GNG2: variants seen among roughly 807,000 people sequenced by gnomAD.
GNG2 encodes guanine nucleotide-binding protein G(I)/G(S)/G(O) subunit gamma-2.
In GNG2, 5 loss-of-function variants were observed where a neutral mutation model predicts 5.5. The ratio of observed to expected loss-of-function variants is 0.91; its 90% confidence interval spans 0.48 to 1.92. The LOEUF is 1.92. Among genes scored for constraint, GNG2 ranks in the 30% most tolerant of loss-of-function variants. The pLI is 0.01. For missense variants in GNG2, 55 were observed against 88.4 expected, an observed-to-expected ratio of 0.62 and a Z score of 1.52; for synonymous variants, 28 against 32.0, an observed-to-expected ratio of 0.88 and a Z score of 0.42.
intron 2 of GNG2, among the ~76,000 whole-genome samples, chr14:51,935,773 T>C (rs116772815): frequency 0.016 from 2,507 of 151,974 alleles, 64 homozygotes; most frequent in African/African-American, 0.058. Context: ...TTTGGGGAGG[T>C]TGCAGGGAGC....
In GNG2 at chr14:51,935,025, C is replaced by CT. The variant is rs35195529; in HGVS notation, c.-29-15609dup. Among the ~76,000 whole-genome samples, 10 of 104,600 alleles carry CT rather than the reference C, an allele frequency of 9.6e-5. No individual in the cohort carries two copies. In the South Asian group the frequency reaches 1.2e-3, roughly 12 times the overall value. 68.6% of individuals were successfully genotyped at this position (104,600 alleles called of 152,430 possible). On this transcript the variant is annotated intron_variant, in intron 2 of 3. Transcript: ENST00000556766. ...GTGGAAATTCCAGCCCAGTTTCTTTCTTTTTTTTTTTTTTTTGGAGACGGA... is the reference window on the plus strand; with the variant it reads ...GTGGAAATTCCAGCCCAGTTTCTTTCTTTTTTTTTTTTTTTTTGGAGACGGA...
intron 2 of GNG2, among the ~76,000 whole-genome samples, chr14:51,835,080 G>A (rs1881295065): frequency 6.6e-6 from 1 of 152,192 alleles, no homozygotes. Flanking sequence ...CTCCTTTCAT[G>A]CCCTCTCTGA....
chr14:51,828,802 C>T (rs988882701), intron 2 of GNG2, among the ~76,000 whole-genome samples: 6 of 152,142 alleles, frequency 3.9e-5, no homozygotes, highest in African/African-American at 1.4e-4. Flanking sequence ...TCTCCTGCCC[C>T]TATAGCCCTG....
chr14:51,893,135 G>T (rs1188968043), intron 2 of GNG2, among the ~76,000 whole-genome samples: 2 of 152,108 alleles, frequency 1.3e-5, no homozygotes, highest in East Asian at 3.8e-4. Context: ...TCCCAAACAG[G>T]GGGATTGTTG....
chr14:51,946,569 A>G (rs959686673), intron 2 of GNG2, among the ~76,000 whole-genome samples: 1 of 152,152 alleles, frequency 6.6e-6, no homozygotes, highest in Non-Finnish European at 1.5e-5. Flanking sequence ...TTAATTCACA[A>G]TCTCACGCTG....
chr14:51,942,269 G>A (rs4271525), intron 2 of GNG2, among the ~76,000 whole-genome samples: 72,667 of 151,980 alleles, frequency 0.48, 17,699 homozygotes, highest in East Asian at 0.64. Flanking sequence ...TGATGGCTTT[G>A]TGGCTATTTT....
intron 2 of GNG2, chr14:51,939,672 A>G (rs1385511289): frequency 2.6e-5 from 4 of 152,166 alleles, no homozygotes; most frequent in Non-Finnish European, 1.5e-5. Context: ...CTCTGTCAAT[A>G]TGTTGCTCCC....
At chr14:51,940,096 G>T (rs1888228612) in intron 2 of GNG2, 3 of 152,276 alleles carry the variant, frequency 2.0e-5, no homozygotes. Flanking sequence ...ATTAGTGTGA[G>T]TTCCTGGTCC....
intron 2 of GNG2, chr14:51,847,527 C>G (rs1041972525): frequency 6.6e-6 from 1 of 152,070 alleles, no homozygotes; most frequent in African/African-American, 2.4e-5. Context: ...TGTTTCCTGT[C>G]ACATCCTGGA....
intron 2 of GNG2, among the ~76,000 whole-genome samples, chr14:51,906,757 C>CTTTTTTTTTTTTTTTTTTTT (rs34240079): frequency 1.9e-5 from 2 of 105,308 alleles, no homozygotes; most frequent in Non-Finnish European, 3.6e-5. Context: ...TGGAGAATCT[C>CTTTTTTTTTTTTTTTTTTTT]TTTTTTTTTT....
At chr14:51,944,758 AT>A (rs1888544198) in intron 2 of GNG2, among the ~76,000 whole-genome samples, 2 of 152,238 alleles carry the variant, frequency 1.3e-5, no homozygotes, top group Admixed American at 1.3e-4. Flanking sequence ...CACCAGAGAC[AT>A]GGGTAACAAA....
chr14:51,870,239 G>T (rs1479364717), intron 1 of GNG2, among the ~76,000 whole-genome samples: 3 of 149,146 alleles, frequency 2.0e-5, no homozygotes, highest in African/African-American at 7.4e-5. Flanking sequence ...GAACCTAAAA[G>T]AAAATATTAA....
At chr14:51,949,137 GA>G (rs1888821430) in intron 2 of GNG2, among the ~76,000 whole-genome samples, 1 of 146,616 alleles carries the variant, frequency 6.8e-6, no homozygotes, top group South Asian at 2.2e-4. Flanking sequence ...AAAAAAAAAA[GA>G]AAAGAAATTG....
At chr14:51,918,537 G>A (rs1407394391) in intron 2 of GNG2, 1 of 152,198 alleles carries the variant, frequency 6.6e-6, no homozygotes, top group Non-Finnish European at 1.5e-5. Context: ...ACCTCCATGA[G>A]AGAATACTTG....
chr14:51,939,793 C>G (rs1405231305), intron 2 of GNG2: 3 of 152,156 alleles, frequency 2.0e-5, no homozygotes, highest in Admixed American at 2.0e-4. Flanking sequence ...CATAAAATTG[C>G]TGTTATGTAT....
intron 2 of GNG2, among the ~76,000 whole-genome samples, chr14:51,926,429 G>A (rs969673933): frequency 2.6e-5 from 4 of 152,194 alleles, no homozygotes; most frequent in Non-Finnish European, 5.9e-5. Context: ...ATATCTGACT[G>A]TAGAATGAGT....
intron 3 of GNG2, among the ~76,000 whole-genome samples, chr14:51,956,971 G>T (rs966594591): frequency 6.6e-6 from 1 of 152,040 alleles, no homozygotes. Flanking sequence ...CTCACAGTCC[G>T]GTAGCCTTCA....
At chr14:51,879,217 T>C (rs1229171085) in intron 2 of GNG2, among the ~76,000 whole-genome samples, 2 of 152,260 alleles carry the variant, frequency 1.3e-5, no homozygotes, top group Admixed American at 1.3e-4. Context: ...GTTCCTTATG[T>C]AAGTAGTCTC....
chr14:51,916,510 G>T (rs958855327), intron 2 of GNG2: 3 of 381,988 alleles, frequency 7.9e-6, no homozygotes, highest in Non-Finnish European at 1.6e-5. Flanking sequence ...AAATAATCCT[G>T]AAAAAAAAAA....
Sources: allele counts gnomAD v4.1 joint callset (sites outside exome capture counted in the v4.1 genomes callset), GRCh38; gene constraint gnomAD v4.1.1; transcripts MANE v1.5; gene names NCBI Gene and HGNC (gene_info 2026-07-23, HGNC 2026-07-21).